Variants in BRWD3 observed in about 807,000 individuals in gnomAD.
BRWD3 encodes bromodomain and WD repeat domain containing 3, also known as bromodomain and WD repeat-containing protein 3.
A neutral mutation model predicts 149.7 loss-of-function variants in BRWD3; 10 were observed. That is an observed-to-expected ratio of 0.07 (90% CI 0.04 to 0.11). The LOEUF is 0.11. Among genes scored for constraint, BRWD3 ranks in the 10% least tolerant of loss-of-function variants. The pLI, the probability that BRWD3 is intolerant of heterozygous loss-of-function variation, is 1.00. For missense variants in BRWD3, 940 were observed against 1,373.2 expected (o/e 0.68, Z 4.99); for synonymous variants, 504 against 456.7 (o/e 1.10, Z -1.32).
At chrX:80,756,502 C>CAAAAAAAAAA (rs974549325) in intron 6 of BRWD3, among the ~76,000 whole-genome samples, 29 of 41,292 alleles carry the variant, frequency 7.0e-4, no homozygotes, top group East Asian at 1.0e-3. Context: ...AACTCTGTCT[C>CAAAAAAAAAA]AAAAAAAAAA....
At chrX:80,765,677 A>T (rs1042370818) in intron 6 of BRWD3, among the ~76,000 whole-genome samples, 1 of 111,702 alleles carries the variant, frequency 9.0e-6, no homozygotes, top group Non-Finnish European at 1.9e-5. Context: ...AATAAGATGT[A>T]CTAACTTATA....
intron 15 of BRWD3, among the ~76,000 whole-genome samples, chrX:80,724,439 T>C (rs748958380): frequency 7.2e-5 from 8 of 111,550 alleles, no homozygotes; most frequent in East Asian, 5.6e-4. Context: ...CCCATCACCA[T>C]AGAAGGGTGT....
At chrX:80,730,388 C>A (rs200074534) in intron 12 of BRWD3, among the ~76,000 whole-genome samples, 1 of 31,206 alleles carries the variant, frequency 3.2e-5, no homozygotes. Flanking sequence ...TATTATTTAG[C>A]AAAAGAAAGA....
chrX:80,731,254 T>C (rs1239707104), intron 12 of BRWD3, among the ~76,000 whole-genome samples: 1 of 111,893 alleles, frequency 8.9e-6, no homozygotes, highest in East Asian at 2.8e-4. Flanking sequence ...TAATATTTCT[T>C]TGATTATTAG....
rs983459019 is a variant in BRWD3, at chrX:80,672,309, C to A, written c.*4300G>T. ...TTGAAAAGATGAAAAAAGAAATAAT[C>A]AAGAATAAGGGTATATAGGCCGGGC... On this transcript the variant is annotated 3_prime_UTR_variant, in exon 41 of 41. Transcript: ENST00000373275. 2.9e-5 allele frequency: 3 copies of A among 103,583 alleles called. No individual in the cohort carries two copies. Among genetic ancestry groups the A allele is most frequent in the Non-Finnish European group, 3.9e-5 (2 of 50,907 alleles). The allele number at this position is 103,583 out of a possible 1,213,427, so 8.5% of individuals were successfully genotyped here.
In BRWD3 at chrX:80,793,603, T is replaced by C. The variant is rs776524077; in HGVS notation, c.331+19A>G. ...ACTCCTTCCTCTGATATCACAGTCC[T>C]AAATTCTGAAAATCTCACCTTTGGC... On this transcript the variant is annotated intron_variant, in intron 5 of 40. Coordinates refer to ENST00000373275, the MANE Select transcript of BRWD3 (RefSeq NM_153252.5). The C allele has an allele frequency of 2.8e-5, 34 of 1,204,108 alleles. No homozygotes were observed. Among genetic ancestry groups the C allele is most frequent in the Admixed American group, 1.3e-4 (6 of 45,516 alleles).
At chrX:80,723,934 C>CTTA (rs2073185844) in intron 15 of BRWD3, 58 bp from the exon 16 acceptor site, 6 of 1,123,009 alleles carry the variant, frequency 5.3e-6, no homozygotes, top group Non-Finnish European at 7.3e-6. Context: ...AATAGATAGG[C>CTTA]GGTAACTTCT....
At chrX:80,778,354 A>G (rs2074020627) in intron 6 of BRWD3, among the ~76,000 whole-genome samples, 1 of 112,136 alleles carries the variant, frequency 8.9e-6, no homozygotes, top group Admixed American at 9.5e-5. Context: ...AAGAAACAGT[A>G]GCTGCACATC....
chrX:80,717,443 T>G, intron 19 of BRWD3, 130 bp downstream of exon 19: 2 of 617,646 alleles, frequency 3.2e-6, no homozygotes, highest in Non-Finnish European at 5.2e-6. Context: ...TGGAATAATA[T>G]GGAAAAACTA....
intron 6 of BRWD3, among the ~76,000 whole-genome samples, chrX:80,778,165 A>C (rs780670624): frequency 9.0e-6 from 1 of 111,686 alleles, no homozygotes; most frequent in Non-Finnish European, 1.9e-5. Flanking sequence ...CTTGTTACCA[A>C]GTCTTTGGAA....
chrX:80,759,647 T>G (rs918066245), intron 6 of BRWD3, among the ~76,000 whole-genome samples: 1 of 112,150 alleles, frequency 8.9e-6, no homozygotes, highest in Non-Finnish European at 1.9e-5. Flanking sequence ...CCCCATATGC[T>G]AATTAGAACT....
rs1265624092 is a variant in BRWD3, at chrX:80,671,780, T to C, written c.*4829A>G. The C allele has an allele frequency of 8.9e-6, 1 of 111,815 alleles. No individual in the cohort carries two copies. Among genetic ancestry groups the C allele is most frequent in the East Asian group, 2.8e-4 (1 of 3,579 alleles). The allele number at this position is 111,815 out of a possible 1,213,427, so 9.2% of individuals were successfully genotyped here. A position where few individuals can be genotyped will look rare whatever the true frequency, so the allele number is the denominator to read the frequency against. The stretch of plus-strand genomic sequence containing the variant: ...TATGAACTGATTTTCCATCTTAAAA[T>C]GTATGGATACCAAGAACAAAAAAAA... On this transcript the variant is annotated 3_prime_UTR_variant, in exon 41 of 41. Transcript: ENST00000373275.
At chrX:80,726,076 T>TTATG (rs10645950) in intron 14 of BRWD3, among the ~76,000 whole-genome samples, 1 of 107,678 alleles carries the variant, frequency 9.3e-6, no homozygotes, top group African/African-American at 3.3e-5. Context: ...TGTTTACATG[T>TTATG]TGTCTGTATA....
chrX:80,712,092 A>AC (rs1302934079), intron 20 of BRWD3, among the ~76,000 whole-genome samples: 1 of 111,124 alleles, frequency 9.0e-6, no homozygotes, highest in Non-Finnish European at 1.9e-5. Context: ...CCAATCTCCA[A>AC]CCCCCCACCT....
intron 12 of BRWD3, chrX:80,733,129 C>CAAAAAAA (rs199514397): frequency 1.3e-5 from 1 of 74,140 alleles, no homozygotes. Flanking sequence ...GACACCGTCT[C>CAAAAAAA]AAAAAAAAAA....
chrX:80,712,399 C>A (rs1461424749), intron 20 of BRWD3, among the ~76,000 whole-genome samples: 1 of 110,555 alleles, frequency 9.0e-6, no homozygotes, highest in Non-Finnish European at 1.9e-5. Flanking sequence ...GATCCGCAAG[C>A]CTCGGCCTCC....
chrX:80,724,101 C>A (rs985804759), intron 15 of BRWD3, among the ~76,000 whole-genome samples: 9 of 111,663 alleles, frequency 8.1e-5, no homozygotes, highest in Admixed American at 7.6e-4. Flanking sequence ...CAAGGACATA[C>A]CTCATGAAAT....
intron 8 of BRWD3, 78 bp from the exon 9 acceptor site, chrX:80,736,166 T>A (rs2073401430): frequency 4.8e-6 from 3 of 631,178 alleles, no homozygotes; most frequent in Non-Finnish European, 7.3e-6. Flanking sequence ...ATTTTCAAAT[T>A]GTAATCATTT....
chrX:80,681,269 A>G, intron 40 of BRWD3, 72 bp downstream of exon 40: 4 of 1,089,501 alleles, frequency 3.7e-6, no homozygotes, highest in Non-Finnish European at 5.1e-6. Flanking sequence ...TCAACATGTC[A>G]GCTTTTAAAT....
Sources: gnomAD v4.1 joint callset for allele counts (sites outside exome capture counted in the v4.1 genomes callset) on GRCh38, gnomAD v4.1.1 for gene constraint, MANE v1.5 for transcripts, NCBI Gene and HGNC (gene_info 2026-07-23, HGNC 2026-07-21) for gene names.